The following C2CD3 variants were observed in gnomAD, a reference collection of about 807,000 sequenced individuals.
C2CD3 encodes C2 domain containing 3 centriole elongation regulator.
Under a neutral mutation model 234.0 loss-of-function variants are expected in C2CD3, and 148 were observed. That is an observed-to-expected ratio of 0.63 (90% CI 0.55 to 0.72). The LOEUF (loss-of-function observed/expected upper bound fraction) is 0.72, where lower values mean the gene tolerates loss of function less well. Among genes scored for constraint, C2CD3 ranks in the 30% least tolerant of loss-of-function variants. The probability of loss-of-function intolerance (pLI) is 0.00; values close to 1 mark genes in which losing one functional copy is unlikely to be tolerated. For synonymous variants in C2CD3, 1,000 were observed against 1,035.4 expected (o/e 0.97, Z 0.66); for missense variants, 2,577 against 2,811.5 (o/e 0.92, Z 1.89).
intron 31 of C2CD3, 25 bp from the exon 32 acceptor site, chr11:74,028,423 A>C: frequency 6.9e-7 from 1 of 1,457,256 alleles, no homozygotes; most frequent in Non-Finnish European, 9.3e-7. Flanking sequence ...AAGGGACAAA[A>C]ATACCTAGAA....
chr11:74,170,947 C>T lies in C2CD3; in HGVS notation c.-155G>A. 1 of 1,488,946 alleles carries T rather than the reference C, an allele frequency of 6.7e-7. No homozygotes were observed. Among genetic ancestry groups the T allele is most frequent in the Non-Finnish European group, 8.9e-7 (1 of 1,121,652 alleles). 92.2% of individuals were successfully genotyped at this position (1,488,946 alleles called of 1,614,324 possible). On this transcript the variant is annotated 5_prime_UTR_variant, in exon 1 of 33. Transcript: ENST00000334126. ...AAAAAGCGACTCTTCCTCTAACAGT[C>T]TCCGGAAAACGGTGCGAAGAGAAGG... is the stretch of plus-strand genomic sequence containing the variant.
chr11:74,099,518 T>G (rs115783084), intron 15 of C2CD3, among the ~76,000 whole-genome samples: 3,298 of 152,294 alleles, frequency 0.022, 66 homozygotes, highest in African/African-American at 0.047. Flanking sequence ...ACACAACATT[T>G]AAAACACAGA....
At chr11:74,114,106 T>G (rs1956845537) in intron 10 of C2CD3, among the ~76,000 whole-genome samples, 1 of 152,182 alleles carries the variant, frequency 6.6e-6, no homozygotes, top group African/African-American at 2.4e-5. Flanking sequence ...ACATCTATTT[T>G]GGGCCCTAAA....
chr11:74,092,482 G>GTA lies in C2CD3; in HGVS notation c.3449_3450dup (p.Gln1151TyrfsTer8). 2 of 1,613,674 alleles carry GTA rather than the reference G, an allele frequency of 1.2e-6. No homozygotes were observed. The highest frequency in any genetic ancestry group is 1.7e-6 in the Non-Finnish European group (2 of 1,179,578). ...GGGGTTAAAGGGAGATTAAAGGTCT[G>GTA]TATTCCCACATCCTCACGATGCTGG... On this transcript the variant is annotated frameshift_variant, in exon 19 of 33. Transcript: ENST00000334126. LOFTEE classifies it high-confidence loss of function.
Position 74,013,501 on chromosome 11 carries a change from C to A in C2CD3, c.6946G>T (p.Ala2316Ser). 1 of 1,382,386 alleles carries A rather than the reference C, an allele frequency of 7.2e-7. No individual in the cohort carries two copies. The highest frequency in any genetic ancestry group is 9.3e-7 in the Non-Finnish European group (1 of 1,072,778). The allele number at this position is 1,382,386 out of a possible 1,614,324, so 85.6% of individuals were successfully genotyped here. A position where few individuals can be genotyped will look rare whatever the true frequency, so the allele number is the denominator to read the frequency against. ...GGGCGACAAGGCCTTTGGGAGAGAGCTCCCCTGGTGGCTTCGCTCTTGTCC... is the reference window on the plus strand; with the variant it reads ...GGGCGACAAGGCCTTTGGGAGAGAGATCCCCTGGTGGCTTCGCTCTTGTCC... Reference protein sequence around the residue: ...DQDKSEATRGALSQRPCRPRP... With the variant: ...DQDKSEATRGSLSQRPCRPRP... Residue 2316 changes from alanine (A) to serine (S), a missense_variant, in exon 33 of 33, where the codon GCT becomes TCT. Coordinates refer to ENST00000334126, the MANE Select transcript of C2CD3 (RefSeq NM_001286577.2).
intron 5 of C2CD3, among the ~76,000 whole-genome samples, chr11:74,137,138 T>C (rs1489478869): frequency 1.3e-5 from 2 of 151,462 alleles, no homozygotes; most frequent in Non-Finnish European, 2.9e-5. Flanking sequence ...CTTAATGTTA[T>C]CTTCTTAATG....
intron 32 of C2CD3, among the ~76,000 whole-genome samples, chr11:74,021,298 A>G (rs780681306): frequency 6.6e-6 from 1 of 152,204 alleles, no homozygotes; most frequent in Non-Finnish European, 1.5e-5. Flanking sequence ...TCCAGAGTTC[A>G]GCTGTACCCT....
intron 32 of C2CD3, among the ~76,000 whole-genome samples, chr11:74,019,985 G>C (rs1952022487): frequency 6.6e-6 from 1 of 152,162 alleles, no homozygotes; most frequent in Non-Finnish European, 1.5e-5. Flanking sequence ...ACATCGGGTG[G>C]GAGTGGGTGG....
At chr11:74,016,132 A>C (rs2135397658) in intron 32 of C2CD3, among the ~76,000 whole-genome samples, 1 of 152,308 alleles carries the variant, frequency 6.6e-6, no homozygotes, top group Middle Eastern at 3.4e-3. Flanking sequence ...CTAAGATCTA[A>C]TCAACTTGAT....
At chr11:74,070,578 T>C (rs965691383) in intron 24 of C2CD3, 1 of 152,218 alleles carries the variant, frequency 6.6e-6, no homozygotes, top group Non-Finnish European at 1.5e-5. Context: ...CTTGAACTAA[T>C]GTGACGGCCC....
chr11:74,110,335 T>C (rs1956698402), intron 11 of C2CD3, among the ~76,000 whole-genome samples: 1 of 152,224 alleles, frequency 6.6e-6, no homozygotes, highest in Non-Finnish European at 1.5e-5. Flanking sequence ...TTCATTCAAA[T>C]GACCCATTTT....
intron 17 of C2CD3, among the ~76,000 whole-genome samples, chr11:74,094,958 C>T (rs146328334): frequency 6.6e-6 from 1 of 151,926 alleles, no homozygotes; most frequent in East Asian, 1.9e-4. Context: ...TAAAATAGGG[C>T]AAATGCAAAT....
Position 74,085,795 on chromosome 11 carries a change from C to T in C2CD3, c.3733G>A (p.Gly1245Arg), listed in dbSNP as rs1198945532. 1.9e-6 allele frequency: 3 copies of T among 1,613,952 alleles called. No homozygotes were observed. Among genetic ancestry groups the T allele is most frequent in the Non-Finnish European group, 2.5e-6 (3 of 1,180,018 alleles). ...VTTHLSFLPQ[G>R]EQRRTHPVAC... ...ACAGGGTGGGTTCGGCGCTGTTCTCCCTGGGGCAGGAAGGAGAGATGAGTG... is the reference window on the plus strand; with the variant it reads ...ACAGGGTGGGTTCGGCGCTGTTCTCTCTGGGGCAGGAAGGAGAGATGAGTG... The change falls in exon 21 of 33, where the codon GGA (glycine) becomes AGA (arginine). Residue 1245 changes from glycine (G) to arginine (R), a missense_variant. Coordinates refer to ENST00000334126, the MANE Select transcript of C2CD3 (RefSeq NM_001286577.2).
Position 74,113,900 on chromosome 11 carries a change from G to GAA in C2CD3, c.1731-10_1731-9dup. ...TATTCTACAAAGAAAGTGCTAAAAA[G>GAA]AAAAAAAAAGTGATTAAAAACTAAC... On this transcript the variant is annotated splice_polypyrimidine_tract_variant and intron_variant, in intron 10 of 32. Coordinates refer to ENST00000334126, the MANE Select transcript of C2CD3 (RefSeq NM_001286577.2). The GAA allele has an allele frequency of 6.9e-7, 1 of 1,457,280 alleles. No homozygotes were observed. The highest frequency in any genetic ancestry group is 9.4e-7 in the Non-Finnish European group (1 of 1,068,132). 90.3% of individuals were successfully genotyped at this position (1,457,280 alleles called of 1,614,324 possible). A position where few individuals can be genotyped will look rare whatever the true frequency, so the allele number is the denominator to read the frequency against.
intron 2 of C2CD3, among the ~76,000 whole-genome samples, chr11:74,167,798 C>T (rs970830863): frequency 1.3e-5 from 2 of 152,236 alleles, no homozygotes; most frequent in African/African-American, 4.8e-5. Context: ...TGGTTCCCTA[C>T]AGAGGGATGC....
At chr11:74,080,109 A>G (rs1322489309) in intron 22 of C2CD3, among the ~76,000 whole-genome samples, 1 of 152,072 alleles carries the variant, frequency 6.6e-6, no homozygotes, top group African/African-American at 2.4e-5. Context: ...AAAAACTTCT[A>G]TTTTCAGGGT....
At chr11:74,015,821 C>T (rs772873685) in intron 32 of C2CD3, among the ~76,000 whole-genome samples, 21 of 150,718 alleles carry the variant, frequency 1.4e-4, no homozygotes, top group Admixed American at 4.6e-4. Flanking sequence ...AACCCCAGCA[C>T]TTTGGGAGGC....
chr11:74,070,885 CTT>C (rs1954760559), intron 24 of C2CD3: 2 of 152,082 alleles, frequency 1.3e-5, no homozygotes, highest in Admixed American at 1.3e-4. Context: ...ATTAGAATGC[CTT>C]TTTCCTCTTT....
chr11:74,104,255 A>C (rs993037978), intron 13 of C2CD3, among the ~76,000 whole-genome samples: 24 of 152,216 alleles, frequency 1.6e-4, no homozygotes, highest in African/African-American at 5.1e-4. Flanking sequence ...GATTAGGAAG[A>C]TCTGACAAAA....
Sources: allele counts gnomAD v4.1 joint callset (sites outside exome capture counted in the v4.1 genomes callset), GRCh38; gene constraint gnomAD v4.1.1; transcripts MANE v1.5; gene names NCBI Gene and HGNC (gene_info 2026-07-23, HGNC 2026-07-21).